The following LARGE1 variants were observed in gnomAD, a reference collection of about 807,000 sequenced individuals.
The protein encoded by LARGE1 is LARGE xylosyl- and glucuronyltransferase 1, also known as xylosyl- and glucuronyltransferase LARGE1.
Under a neutral mutation model 87.6 loss-of-function variants are expected in LARGE1, and 43 were observed. The ratio of observed to expected loss-of-function variants is 0.49; its 90% CI spans 0.38 to 0.63. LARGE1 has a LOEUF of 0.63. Among genes scored for constraint, LARGE1 ranks in the 30% least tolerant of loss-of-function variants. The pLI, the probability that LARGE1 is intolerant of heterozygous loss-of-function variation, is 0.00. For missense variants in LARGE1, 802 were observed against 1,000.2 expected (o/e 0.80, Z 2.67); for synonymous variants, 434 against 394.6 (o/e 1.10, Z -1.18).
chr22:33,417,040 G>T (rs1049547387), intron 7 of LARGE1, among the ~76,000 whole-genome samples: 1 of 151,312 alleles, frequency 6.6e-6, no homozygotes, highest in Non-Finnish European at 1.5e-5. Context: ...CCGAGTAGCT[G>T]GGACTACAGG....
chr22:33,466,082 A>C (rs1000267291), intron 6 of LARGE1, among the ~76,000 whole-genome samples: 1 of 152,048 alleles, frequency 6.6e-6, no homozygotes, highest in African/African-American at 2.4e-5. Context: ...TAATTTCATA[A>C]CACCACCTGT....
At chr22:33,251,046 C>T (rs1157505269) in intron 11 of LARGE1, among the ~76,000 whole-genome samples, 2 of 152,108 alleles carry the variant, frequency 1.3e-5, no homozygotes, top group Non-Finnish European at 2.9e-5. Context: ...TGTTTCTATC[C>T]TCTGAAAGAG....
At chr22:33,644,246 G>C (rs1014702802) in intron 3 of LARGE1, among the ~76,000 whole-genome samples, 4 of 152,180 alleles carry the variant, frequency 2.6e-5, no homozygotes, top group African/African-American at 9.7e-5. Flanking sequence ...GGGATGCAAG[G>C]CTGGTTCAAC....
At chr22:33,684,244 C>T (rs1817028168) in intron 2 of LARGE1, among the ~76,000 whole-genome samples, 1 of 152,058 alleles carries the variant, frequency 6.6e-6, no homozygotes, top group South Asian at 2.1e-4. Flanking sequence ...GTCATCCACT[C>T]CCTTCTCTGA....
chr22:33,340,965 G>C (rs185345695), intron 9 of LARGE1, among the ~76,000 whole-genome samples: 7 of 150,254 alleles, frequency 4.7e-5, no homozygotes, highest in Admixed American at 4.6e-4. Context: ...TAGAGGAAAT[G>C]AAATAGCTTT....
chr22:33,788,447 C>G (rs1192491979), intron 1 of LARGE1, among the ~76,000 whole-genome samples: 1 of 151,900 alleles, frequency 6.6e-6, no homozygotes, highest in Non-Finnish European at 1.5e-5. Context: ...AATAAAGATA[C>G]CCAAAAAATG....
chr22:33,879,614 C>A (rs1176077790), intron 1 of LARGE1, among the ~76,000 whole-genome samples: 2 of 152,184 alleles, frequency 1.3e-5, no homozygotes, highest in Non-Finnish European at 2.9e-5. Context: ...CTTATTCTGG[C>A]AGGTCTGGCT....
chr22:33,160,072 A>G (rs765603348), downstream of LARGE1, among the ~76,000 whole-genome samples: 4 of 152,320 alleles, frequency 2.6e-5, no homozygotes, highest in South Asian at 2.1e-4. Flanking sequence ...AAGTTTTCAC[A>G]TAGGGGACAC....
chr22:33,870,556 GTGTTGTTGTTGT>G (rs67447726), intron 1 of LARGE1, among the ~76,000 whole-genome samples: 202 of 150,440 alleles, frequency 1.3e-3, no homozygotes, highest in African/African-American at 4.4e-3. Flanking sequence ...ATGACTGTCT[GTGTTGTTGTTGT>G]TGTTGTTGTT....
At position 33,316,138 on chromosome 22, in the gene LARGE1, C is replaced by A. The variant is rs768609553; in HGVS notation, c.1398G>T (p.Glu466Asp). The change falls in exon 11 of 15, where the codon GAG (glutamate) becomes GAT (aspartate). Residue 466 changes from glutamate to aspartate, a missense_variant. Around this residue, in one of 2 missense-constraint regions of LARGE1, gnomAD observed 625 missense variants for 841.9 expected, o/e 0.74. Transcript: ENST00000397394. Reference protein sequence around the residue: ...THLYFLHYEYEPAADSTDVTL... With the variant: ...THLYFLHYEYDPAADSTDVTL... ...TGACGTCCGTGCTGTCTGCTGCAGGCTCATACTCGTAGTGCAGGAAGTACA... is the reference window on the plus strand; with the variant it reads ...TGACGTCCGTGCTGTCTGCTGCAGGATCATACTCGTAGTGCAGGAAGTACA... The A allele has an allele frequency of 6.2e-7, 1 of 1,614,132 alleles. No homozygotes were observed. Among genetic ancestry groups the A allele is most frequent in the Non-Finnish European group, 8.5e-7 (1 of 1,180,014 alleles).
At chr22:33,135,896 GAAATA>G in the LARGE1 span, among the ~76,000 whole-genome samples, 120 of 152,242 alleles carry the variant, frequency 7.9e-4, no homozygotes, top group Middle Eastern at 3.4e-3. Flanking sequence ...GAAGCCAACA[GAAATA>G]AAATAATAGT....
chr22:33,338,841 G>A (rs914380284), intron 9 of LARGE1, among the ~76,000 whole-genome samples: 6 of 152,124 alleles, frequency 3.9e-5, no homozygotes, highest in Non-Finnish European at 7.4e-5. Context: ...TGTGATAATG[G>A]AGAGACGATC....
chr22:33,385,507 G>C (rs1441443498), intron 7 of LARGE1, among the ~76,000 whole-genome samples: 1 of 101,634 alleles, frequency 9.8e-6, no homozygotes, highest in Non-Finnish European at 1.8e-5. Context: ...CAGCCTGGAC[G>C]ACAGCGCAGG....
rs146404603 is a variant in LARGE1, at chr22:33,571,225, G to A, written c.616-6206C>T. On this transcript the variant is annotated intron_variant, in intron 5 of 14. Coordinates refer to ENST00000397394, the MANE Select transcript of LARGE1 (RefSeq NM_133642.5). The stretch of plus-strand genomic sequence containing the variant: ...GAGCACAGGCAACCCCAGGTTTTAA[G>A]GGTTTTATGTAAACTGGGGGGTTGG... 2.4e-3 allele frequency among the ~76,000 whole-genome samples: 370 copies of A among 152,278 alleles called. 3 individuals carry two copies. The highest frequency in any genetic ancestry group is 3.8e-3 in the Non-Finnish European group (256 of 68,016).
At chr22:33,336,075 A>G (rs986709625) in intron 10 of LARGE1, among the ~76,000 whole-genome samples, 33 of 152,240 alleles carry the variant, frequency 2.2e-4, no homozygotes, top group African/African-American at 8.0e-4. Context: ...TTCTGTGTCT[A>G]ATACTAAGGG....
chr22:33,347,594 T>A (rs1939907720), intron 9 of LARGE1, among the ~76,000 whole-genome samples: 1 of 152,204 alleles, frequency 6.6e-6, no homozygotes, highest in Non-Finnish European at 1.5e-5. Flanking sequence ...GTTTGGATTT[T>A]CAAAGAGAAG....
chr22:33,463,566 A>C (rs2068464800), intron 6 of LARGE1, among the ~76,000 whole-genome samples: 1 of 152,218 alleles, frequency 6.6e-6, no homozygotes, highest in Non-Finnish European at 1.5e-5. Flanking sequence ...TTGCAATCAA[A>C]ATCCCAATGT....
At chr22:33,563,771 G>A (rs544183597) in intron 6 of LARGE1, among the ~76,000 whole-genome samples, 11 of 152,302 alleles carry the variant, frequency 7.2e-5, no homozygotes, top group African/African-American at 2.4e-4. Context: ...TTATTGACAC[G>A]AATAAGAAAA....
chr22:33,261,301 A>G (rs1386767079), intron 11 of LARGE1, among the ~76,000 whole-genome samples: 1 of 152,132 alleles, frequency 6.6e-6, no homozygotes, highest in Non-Finnish European at 1.5e-5. Context: ...TATCTATTCT[A>G]TCTTTACGGA....
Sources: gnomAD v4.1 joint callset for allele counts (sites outside exome capture counted in the v4.1 genomes callset) on GRCh38, gnomAD v4.1.1 for gene constraint, gnomAD v4.1.1 regional missense constraint, MANE v1.5 for transcripts, NCBI Gene and HGNC (gene_info 2026-07-23, HGNC 2026-07-21) for gene names.